MMP16: variants seen among roughly 807,000 people sequenced by gnomAD.
MMP16 encodes matrix metalloproteinase-16.
Under a neutral mutation model 67.8 loss-of-function variants are expected in MMP16, and 12 were observed. The observed-to-expected ratio is 0.18, with a 90% CI of 0.11 to 0.29. The LOEUF (loss-of-function observed/expected upper bound fraction) is 0.29. MMP16 is among the 10% of genes least tolerant of loss of function. MMP16 has a pLI of 1.00. For missense variants in MMP16, 475 were observed against 765.7 expected, an observed-to-expected ratio of 0.62 and a Z score of 4.48; for synonymous variants, 249 against 255.9, an observed-to-expected ratio of 0.97 and a Z score of 0.26.
chr8:88,155,952 A>G (rs899018267), intron 4 of MMP16, among the ~76,000 whole-genome samples: 2 of 152,146 alleles, frequency 1.3e-5, no homozygotes, highest in African/African-American at 4.8e-5. Flanking sequence ...AGGCAAGTCA[A>G]CAAATTTTCT....
At position 88,168,094 on chromosome 8, in the gene MMP16, G is replaced by A. The variant is rs561396915; in HGVS notation, c.405-121C>T. 2.3e-4 allele frequency: 157 copies of A among 680,824 alleles called. No homozygotes were observed. The African/African-American group carries it at 2.4e-3, about 10-fold the overall frequency. The allele number at this position is 680,824 out of a possible 1,614,324, so 42.2% of individuals were successfully genotyped here. A position where few individuals can be genotyped will look rare whatever the true frequency, so the allele number is the denominator to read the frequency against. ...TAGTCATATTAAATAGGAATAACAC[G>A]TATTCATTCCTCTTGTCTCTACTGT... On this transcript the variant is annotated intron_variant, in intron 3 of 9. Transcript: ENST00000286614.
chr8:88,257,827 G>T (rs935451674), intron 1 of MMP16, among the ~76,000 whole-genome samples: 1 of 152,098 alleles, frequency 6.6e-6, no homozygotes, highest in African/African-American at 2.4e-5. Context: ...GATACAAAAA[G>T]AAACAATACT....
At position 88,310,886 on chromosome 8, in the gene MMP16, A is replaced by C. The variant is rs28907900; in HGVS notation, c.132+16189T>G. 6.2e-3 allele frequency among the ~76,000 whole-genome samples: 950 copies of C among 152,264 alleles called. 11 individuals are homozygous for C. The highest frequency in any genetic ancestry group is 0.022 in the African/African-American group (905 of 41,564). On this transcript the variant is annotated intron_variant, in intron 1 of 9. Transcript: ENST00000286614. ...CAGGAAGACCAAAACTCAAAGGCACAAGGAAAAGAAGGAGGTGGATGTGTG... is the reference window on the plus strand; with the variant it reads ...CAGGAAGACCAAAACTCAAAGGCACCAGGAAAAGAAGGAGGTGGATGTGTG...
At chr8:88,271,043 A>C (rs1254673150) in intron 1 of MMP16, among the ~76,000 whole-genome samples, 2 of 152,228 alleles carry the variant, frequency 1.3e-5, no homozygotes, top group African/African-American at 2.4e-5. Flanking sequence ...AGACTAAAGT[A>C]AAGTCGGTAC....
chr8:88,248,672 A>T (rs937748615), intron 1 of MMP16, among the ~76,000 whole-genome samples: 1 of 151,886 alleles, frequency 6.6e-6, no homozygotes, highest in Non-Finnish European at 1.5e-5. Flanking sequence ...TTTCTCACAC[A>T]TCTGATCATC....
chr8:88,048,119 A>C (rs1808222199), intron 8 of MMP16, among the ~76,000 whole-genome samples: 1 of 152,214 alleles, frequency 6.6e-6, no homozygotes, highest in Non-Finnish European at 1.5e-5. Context: ...AGAAGGATTG[A>C]GGAACCATGA....
intron 1 of MMP16, among the ~76,000 whole-genome samples, chr8:88,253,253 C>T (rs888271800): frequency 6.6e-6 from 1 of 151,998 alleles, no homozygotes; most frequent in African/African-American, 2.4e-5. Context: ...CAGAATTGCC[C>T]TCATACATAA....
At chr8:88,138,251 C>G (rs1451484203) in intron 4 of MMP16, among the ~76,000 whole-genome samples, 2 of 151,838 alleles carry the variant, frequency 1.3e-5, no homozygotes, top group Non-Finnish European at 2.9e-5. Context: ...CACCTGTGTC[C>G]TATTGGAGAC....
At chr8:88,294,546 GTATA>G (rs201679775) in intron 1 of MMP16, among the ~76,000 whole-genome samples, 3 of 150,798 alleles carry the variant, frequency 2.0e-5, no homozygotes, top group African/African-American at 4.9e-5. Flanking sequence ...ACACATATAT[GTATA>G]TATGTCTCTA....
At chr8:88,297,325 A>G (rs1289851741) in intron 1 of MMP16, among the ~76,000 whole-genome samples, 1 of 152,224 alleles carries the variant, frequency 6.6e-6, no homozygotes, top group Non-Finnish European at 1.5e-5. Flanking sequence ...GAAGCCCTGT[A>G]GAAGTGTTCT....
chr8:88,195,517 T>C (rs998324240), intron 2 of MMP16, among the ~76,000 whole-genome samples: 5 of 152,078 alleles, frequency 3.3e-5, no homozygotes, highest in Non-Finnish European at 5.9e-5. Flanking sequence ...TGATGAGGAG[T>C]ACAATTTAAA....
chr8:88,101,359 A>T (rs2118378812), intron 6 of MMP16, among the ~76,000 whole-genome samples: 1 of 152,062 alleles, frequency 6.6e-6, no homozygotes, highest in East Asian at 1.9e-4. Context: ...ATAATGTTAC[A>T]TGAAAAAGTT....
At chr8:88,110,022 C>G (rs1378856951) in intron 6 of MMP16, among the ~76,000 whole-genome samples, 1 of 151,078 alleles carries the variant, frequency 6.6e-6, no homozygotes. Context: ...TTTGTATATG[C>G]CTTATTTGGA....
At chr8:88,196,306 G>T (rs1809251103) in intron 2 of MMP16, among the ~76,000 whole-genome samples, 2 of 152,038 alleles carry the variant, frequency 1.3e-5, no homozygotes, top group Admixed American at 1.3e-4. Flanking sequence ...TCCCTCTACT[G>T]AAAAAAATTA....
Position 88,313,224 on chromosome 8 carries a change from G to A in MMP16, c.132+13851C>T, listed in dbSNP as rs541467199. On this transcript the variant is annotated intron_variant, in intron 1 of 9. Transcript: ENST00000286614. ...GTGCTGTCTCCAGTTTTTGGGGGCA[G>A]CTTTTAACATTTCATGCAGTGTTGC... Among the ~76,000 whole-genome samples the A allele has an allele frequency of 4.6e-5, 7 of 152,292 alleles. No homozygotes were observed. In the South Asian group the frequency reaches 1.2e-3, roughly 27 times the overall value.
At chr8:88,313,764 T>A (rs1318797126) in intron 1 of MMP16, among the ~76,000 whole-genome samples, 1 of 151,952 alleles carries the variant, frequency 6.6e-6, no homozygotes, top group Non-Finnish European at 1.5e-5. Flanking sequence ...GACTCACAGT[T>A]CCACATGGCT....
Position 88,041,635 on chromosome 8 carries a change from G to C in MMP16, c.1650C>G (p.Asp550Glu). ...KEGHSPPDDV[D>E]IVIKLDNTAS... ...CTGTGTTGTCCAGTTTGATGACAAT[G>C]TCTACATCATCTGGTGGGCTGTGTC... Residue 550 changes from aspartate (D) to glutamate (E), a missense_variant, in exon 10 of 10, where the codon GAC (aspartate) becomes GAG (glutamate). By Grantham distance (45) the Asp-to-Glu change is conservative. This residue lies in a region of MMP16 where 80 missense variants were observed against 93.4 expected (regional missense o/e 0.86). Transcript: ENST00000286614. The surrounding 1 kb of genome is among the most constrained non-coding windows in gnomAD (Gnocchi z 6.0). 6.2e-7 allele frequency: 1 copy of C among 1,614,110 alleles called. No individual in the cohort carries two copies. Among genetic ancestry groups the C allele is most frequent in the Non-Finnish European group, 8.5e-7 (1 of 1,180,012 alleles).
At chr8:88,103,188 A>T (rs999625283) in intron 6 of MMP16, among the ~76,000 whole-genome samples, 12 of 151,866 alleles carry the variant, frequency 7.9e-5, no homozygotes, top group African/African-American at 2.7e-4. Flanking sequence ...GCACATGCAG[A>T]TTATATCCCT....
At chr8:88,084,633 G>C (rs1178703386) in intron 6 of MMP16, among the ~76,000 whole-genome samples, 1 of 151,946 alleles carries the variant, frequency 6.6e-6, no homozygotes, top group Non-Finnish European at 1.5e-5. Flanking sequence ...TACTGCATTT[G>C]CATACATACA....
Sources: allele counts gnomAD v4.1 joint callset (sites outside exome capture counted in the v4.1 genomes callset), GRCh38; gene constraint gnomAD v4.1.1; regional missense constraint gnomAD v4.1.1; non-coding constraint Gnocchi (gnomAD v3.1); transcripts MANE v1.5; gene names NCBI Gene and HGNC (gene_info 2026-07-23, HGNC 2026-07-21).